The following FAM24B variants were observed in gnomAD, a reference collection of about 807,000 sequenced individuals.
FAM24B encodes the protein protein FAM24B.
A neutral mutation model predicts 2.3 loss-of-function variants in FAM24B; 3 were observed. The ratio of observed to expected loss-of-function variants is 1.29; its 90% CI spans 0.59 to 3.32. The LOEUF is 3.32. Ranked by LOEUF, FAM24B falls within the 30% of genes most tolerant of loss-of-function variation. FAM24B has a pLI of 0.03. For missense variants in FAM24B, 98 were observed against 117.2 expected (o/e 0.84, Z 0.76); for synonymous variants, 36 against 46.3 (o/e 0.78, Z 0.90).
At chr10:122,862,728 C>A (rs577501081) in intron 1 of FAM24B, among the ~76,000 whole-genome samples, 43 of 152,058 alleles carry the variant, frequency 2.8e-4, no homozygotes, top group African/African-American at 9.2e-4. Flanking sequence ...AATAATAATT[C>A]TTCTAATATA....
intron 1 of FAM24B, among the ~76,000 whole-genome samples, chr10:122,873,399 GA>G (rs1319372491): frequency 1.3e-5 from 2 of 152,202 alleles, no homozygotes; most frequent in Non-Finnish European, 2.9e-5. Context: ...TTGGTTTACT[GA>G]ATATTTTAAG....
At chr10:122,875,481 T>C (rs1211411943) in intron 1 of FAM24B, among the ~76,000 whole-genome samples, 1 of 152,242 alleles carries the variant, frequency 6.6e-6, no homozygotes, top group Non-Finnish European at 1.5e-5. Context: ...GCTTTGTAAA[T>C]CTTTGTTGAA....
chr10:122,874,815 G>GT lies in FAM24B; in HGVS notation c.-178+4669dup, dbSNP rs199630943. Reference sequence around the variant, plus strand: ...GTAAACTTTCTTAAAACAGCATGAGGTTTTTTTTGCAATTTTTAAGCTCAT... The same window carrying GT: ...GTAAACTTTCTTAAAACAGCATGAGGTTTTTTTTTGCAATTTTTAAGCTCAT... On this transcript the variant is annotated intron_variant, in intron 1 of 3. Coordinates refer to ENST00000368898, the MANE Select transcript of FAM24B (RefSeq NM_152644.3). Among the ~76,000 whole-genome samples the GT allele has an allele frequency of 4.2e-3, 638 of 151,704 alleles. 2 individuals carry two copies. The highest frequency in any genetic ancestry group is 7.0e-3 in the Non-Finnish European group (478 of 67,886).
chr10:122,852,511 C>T (rs1309403394), intron 2 of FAM24B, among the ~76,000 whole-genome samples: 1 of 152,174 alleles, frequency 6.6e-6, no homozygotes, highest in Non-Finnish European at 1.5e-5. Flanking sequence ...CTGTTTTAGT[C>T]TCCACTGACA....
At chr10:122,865,406 A>G (rs1475747623) in intron 1 of FAM24B, among the ~76,000 whole-genome samples, 1 of 152,108 alleles carries the variant, frequency 6.6e-6, no homozygotes, top group Non-Finnish European at 1.5e-5. Flanking sequence ...GATAGGTTAC[A>G]CTAATTGGTT....
chr10:122,868,358 T>C (rs1439628136), intron 1 of FAM24B, among the ~76,000 whole-genome samples: 1 of 152,226 alleles, frequency 6.6e-6, no homozygotes, highest in Admixed American at 6.5e-5. Flanking sequence ...GAAAACACTC[T>C]GCAGGATATT....
intron 2 of FAM24B, 35 bp downstream of exon 2, chr10:122,855,608 CAT>C (rs1378209758): frequency 1.3e-5 from 2 of 152,304 alleles, no homozygotes; most frequent in South Asian, 4.1e-4. Context: ...CTCATACTCA[CAT>C]GATTCAAGAG....
chr10:122,854,528 G>A (rs1019991755), intron 2 of FAM24B, among the ~76,000 whole-genome samples: 1 of 152,208 alleles, frequency 6.6e-6, no homozygotes, highest in Admixed American at 6.5e-5. Context: ...CAAAGGCCAT[G>A]ATTTTGGCTG....
At chr10:122,857,250 G>T (rs1847654927) in intron 1 of FAM24B, among the ~76,000 whole-genome samples, 1 of 152,206 alleles carries the variant, frequency 6.6e-6, no homozygotes, top group African/African-American at 2.4e-5. Flanking sequence ...AGACACAAGA[G>T]TGACATTCCA....
intron 1 of FAM24B, among the ~76,000 whole-genome samples, chr10:122,875,189 T>C (rs1702486612): frequency 6.6e-6 from 1 of 152,232 alleles, no homozygotes; most frequent in Non-Finnish European, 1.5e-5. Flanking sequence ...AGCTCATTTA[T>C]TCTTTGGCCT....
Position 122,871,957 on chromosome 10 carries a change from G to C in FAM24B, c.-178+7528C>G, listed in dbSNP as rs193112554. ...ACAAACGGGATCTAATTAAACTAAAGAGCTTCTGCACAGCAAAAGAAACCA... is the reference window on the plus strand; with the variant it reads ...ACAAACGGGATCTAATTAAACTAAACAGCTTCTGCACAGCAAAAGAAACCA... On this transcript the variant is annotated intron_variant, in intron 1 of 3. Coordinates refer to ENST00000368898, the MANE Select transcript of FAM24B (RefSeq NM_152644.3). 4.5e-3 allele frequency among the ~76,000 whole-genome samples: 679 copies of C among 152,240 alleles called. 6 individuals carry two copies. Among genetic ancestry groups the C allele is most frequent in the African/African-American group, 0.016 (654 of 41,522 alleles).
intron 1 of FAM24B, among the ~76,000 whole-genome samples, chr10:122,859,774 A>T (rs928014783): frequency 5.3e-5 from 8 of 152,152 alleles, no homozygotes; most frequent in Non-Finnish European, 1.2e-4. Context: ...GCTGCAATAA[A>T]AGGTTCCCAC....
chr10:122,862,940 C>A (rs1847749352), intron 1 of FAM24B, among the ~76,000 whole-genome samples: 1 of 151,912 alleles, frequency 6.6e-6, no homozygotes, highest in Non-Finnish European at 1.5e-5. Context: ...CAAGTGCAGT[C>A]TCTATCAAGC....
chr10:122,850,366 C>G (rs532009974), intron 3 of FAM24B, 58 bp downstream of exon 3: 2 of 1,377,886 alleles, frequency 1.5e-6, no homozygotes, highest in East Asian at 4.6e-5. Flanking sequence ...GAAGTGCTAT[C>G]CCCTTTTCCC....
intron 1 of FAM24B, among the ~76,000 whole-genome samples, chr10:122,878,333 G>A (rs1156323006): frequency 1.3e-5 from 2 of 152,106 alleles, no homozygotes; most frequent in African/African-American, 4.8e-5. Flanking sequence ...AGGAGTTTGA[G>A]ACCAGCCTGG....
chr10:122,869,628 A>T (rs1847858776), intron 1 of FAM24B, among the ~76,000 whole-genome samples: 1 of 152,092 alleles, frequency 6.6e-6, no homozygotes, highest in Admixed American at 6.5e-5. Context: ...GGATTAAGAA[A>T]CTCACTCAAA....
At chr10:122,869,464 A>G (rs1378637490) in intron 1 of FAM24B, among the ~76,000 whole-genome samples, 1 of 152,210 alleles carries the variant, frequency 6.6e-6, no homozygotes, top group Admixed American at 6.5e-5. Flanking sequence ...TCTCCACCCC[A>G]AATCAACAGA....
intron 1 of FAM24B, among the ~76,000 whole-genome samples, chr10:122,871,902 C>A (rs1847903979): frequency 6.6e-6 from 1 of 152,106 alleles, no homozygotes. Context: ...TCTAAAACAC[C>A]AAAAGCAATG....
chr10:122,878,886 T>C (rs1848024727), intron 1 of FAM24B, among the ~76,000 whole-genome samples: 1 of 151,964 alleles, frequency 6.6e-6, no homozygotes, highest in African/African-American at 2.4e-5. Flanking sequence ...ATCTTGCTCA[T>C]GAAGTTTCAG....
Sources: allele counts gnomAD v4.1 joint callset (sites outside exome capture counted in the v4.1 genomes callset), GRCh38; gene constraint gnomAD v4.1.1; transcripts MANE v1.5; gene names NCBI Gene and HGNC (gene_info 2026-07-23, HGNC 2026-07-21).